Variants in GRIN1 observed in about 807,000 individuals in gnomAD.
GRIN1 encodes the protein glutamate receptor ionotropic, NMDA 1.
A neutral mutation model predicts 103.0 loss-of-function variants in GRIN1; 38 were observed. That is an observed-to-expected ratio of 0.37 (90% confidence interval 0.28 to 0.48). The LOEUF (loss-of-function observed/expected upper bound fraction) is 0.48. Ranked by LOEUF, GRIN1 falls within the 20% of genes least tolerant of loss-of-function variation. The pLI is 0.98. For synonymous variants in GRIN1, 544 were observed against 532.7 expected (o/e 1.02, Z -0.29); for missense variants, 577 against 1,288.9 (o/e 0.45, Z 8.46).
At chr9:137,162,117 G>GGGGT in intron 11 of GRIN1, 29 bp downstream of exon 11, 1 of 1,522,616 alleles carries the variant, frequency 6.6e-7, no homozygotes, top group Non-Finnish European at 8.9e-7. Context: ...GCGGGGTGGC[G>GGGGT]GCGGGGGGAG....
chr9:137,163,235 G>A lies in GRIN1; in HGVS notation c.2238G>A (p.Leu746=). The change falls in exon 16 of 20, where the codon CTG becomes CTA. Residue 746 remains leucine, a synonymous_variant. Transcript: ENST00000371561. ...LEFEASQKCD[L]VTTGELFFRS... ...TCGAGGCCTCGCAGAAGTGCGACCTGGTGACGACTGGAGAGCTGTTTTTCC... is the reference window on the plus strand; with the variant it reads ...TCGAGGCCTCGCAGAAGTGCGACCTAGTGACGACTGGAGAGCTGTTTTTCC... The A allele has an allele frequency of 6.2e-7, 1 of 1,613,736 alleles. No individual in the cohort carries two copies. Among genetic ancestry groups the A allele is most frequent in the Non-Finnish European group, 8.5e-7 (1 of 1,179,942 alleles).
chr9:137,165,252 A>T lies in GRIN1; in HGVS notation c.2656A>T (p.Thr886Ser). Reference protein sequence around the residue: ...KKATFRAITSTLASSFKRRRS... With the variant: ...KKATFRAITSSLASSFKRRRS... ...AGCCACATTTAGGGCTATCACCTCC[A>T]CCCTGGCTTCCAGCTTCAAGAGGCG... The change falls in exon 19 of 20, where the codon ACC (threonine) becomes TCC (serine). Residue 886 changes from threonine to serine, a missense_variant. Thr to Ser is a moderately conservative substitution (Grantham distance 58). Coordinates refer to ENST00000371561, the MANE Select transcript of GRIN1 (RefSeq NM_007327.4). The T allele has an allele frequency of 6.2e-7, 1 of 1,612,406 alleles. No individual in the cohort carries two copies. Among genetic ancestry groups the T allele is most frequent in the African/African-American group, 1.3e-5 (1 of 74,960 alleles).
intron 3 of GRIN1, chr9:137,148,045 T>C: frequency 1.4e-6 from 1 of 713,304 alleles, no homozygotes; most frequent in Non-Finnish European, 2.3e-6. Flanking sequence ...GGAGCCCGTC[T>C]GCAGACGTGC....
At chr9:137,155,035 A>G (rs1833139158) in intron 4 of GRIN1, among the ~76,000 whole-genome samples, 1 of 152,166 alleles carries the variant, frequency 6.6e-6, no homozygotes, top group East Asian at 1.9e-4. Context: ...ATTTTTGACA[A>G]TTTTCCATAG....
chr9:137,150,424 C>T (rs1278417561), intron 4 of GRIN1, among the ~76,000 whole-genome samples: 1 of 144,834 alleles, frequency 6.9e-6, no homozygotes, highest in East Asian at 2.1e-4. Context: ...AAGCCCCACC[C>T]AGGGAAAGCT....
At chr9:137,156,584 G>A (rs546864745) in intron 4 of GRIN1, 85 bp from the exon 5 acceptor site, 2 of 1,534,272 alleles carry the variant, frequency 1.3e-6, no homozygotes, top group Admixed American at 3.8e-5. Context: ...GCAGGTCCCT[G>A]CTCCAGAGGA....
chr9:137,142,331 C>T (rs2131197962), intron 2 of GRIN1, among the ~76,000 whole-genome samples, 184 bp downstream of exon 2: 1 of 152,384 alleles, frequency 6.6e-6, no homozygotes, highest in East Asian at 1.9e-4. Flanking sequence ...TGCAAACATG[C>T]TCACATGCAC....
intron 3 of GRIN1, among the ~76,000 whole-genome samples, chr9:137,147,017 T>TCCCCCCCAGCACCCGACAGGCCCCTC (rs372184006): frequency 1.5e-5 from 1 of 67,068 alleles, no homozygotes; most frequent in African/African-American, 6.3e-5. Context: ...GACAGGCCCC[T>TCCCCCCCAGCACCCGACAGGCCCCTC]CCCCCCAGCG....
chr9:137,148,266 G>T, intron 3 of GRIN1: 2 of 1,273,700 alleles, frequency 1.6e-6, no homozygotes, highest in Non-Finnish European at 2.2e-6. Context: ...CCCTGGCCTC[G>T]GCGCCTCGGC....
rs764333717 is a variant in GRIN1, at chr9:137,165,254, C to T, written c.2658C>T (p.Thr886=). ...CCACATTTAGGGCTATCACCTCCAC[C>T]CTGGCTTCCAGCTTCAAGAGGCGTA... is the stretch of plus-strand genomic sequence containing the variant. ...KKATFRAITS[T]LASSFKRRRS... The change falls in exon 19 of 20, where the codon ACC becomes ACT. Residue 886 remains threonine, a synonymous_variant. Coordinates refer to ENST00000371561, the MANE Select transcript of GRIN1 (RefSeq NM_007327.4). 2 of 1,612,542 alleles carry T rather than the reference C, an allele frequency of 1.2e-6. No homozygotes were observed. The highest frequency in any genetic ancestry group is 2.2e-5 in the South Asian group (2 of 91,060).
rs1564363935 is a variant in GRIN1 at position 137,162,697 on chromosome 9, G to A, written c.1971G>A (p.Leu657=). Residue 657 remains leucine (L), a synonymous_variant, in exon 14 of 20, where the codon CTG becomes CTA. Coordinates refer to ENST00000371561, the MANE Select transcript of GRIN1 (RefSeq NM_007327.4). ...CCAACCTGGCGGCCTTCCTGGTGCT[G>A]GACCGGCCGGAGGAGCGCATCACGG... ...YTANLAAFLV[L]DRPEERITGI... The A allele has an allele frequency of 6.2e-7, 1 of 1,608,560 alleles. No individual in the cohort carries two copies. Among genetic ancestry groups the A allele is most frequent in the Admixed American group, 1.7e-5 (1 of 59,276 alleles).
At chr9:137,167,279 C>A in intron 19 of GRIN1, 132 bp from the exon 20 acceptor site, 1 of 718,780 alleles carries the variant, frequency 1.4e-6, no homozygotes, top group South Asian at 1.6e-5. Flanking sequence ...AGGGTGGGGT[C>A]AGTCCGGCTG....
chr9:137,167,717 C>T lies in GRIN1; in HGVS notation c.*190C>T. ...GCCGGTCCACCCCGTCCCGGCCCCG[C>T]GCGTGCCCCCAGCGTGGGGCTAACG... On this transcript the variant is annotated 3_prime_UTR_variant, in exon 20 of 20. Transcript: ENST00000371561. 6.2e-7 allele frequency: 1 copy of T among 1,608,552 alleles called. No individual in the cohort carries two copies. Among genetic ancestry groups the T allele is most frequent in the Non-Finnish European group, 8.5e-7 (1 of 1,177,660 alleles).
Position 137,147,835 on chromosome 9 carries a change from G to A in GRIN1, c.571-1174G>A, listed in dbSNP as rs570377660. Among the ~76,000 whole-genome samples, 4 of 152,354 alleles carry A rather than the reference G, an allele frequency of 2.6e-5. No homozygotes were observed. The South Asian group carries it at 6.2e-4, about 24-fold the overall frequency. ...TGCTGGGGCCACACAGCAGGTGCAC[G>A]GCAGGGTGGGGGCGGCAGGTGGGGC... On this transcript the variant is annotated intron_variant, in intron 3 of 19. Transcript: ENST00000371561.
intron 19 of GRIN1, 54 bp downstream of exon 19, chr9:137,165,350 G>A (rs1421901787): frequency 2.0e-5 from 22 of 1,102,580 alleles, no homozygotes; most frequent in Admixed American, 1.0e-4. Flanking sequence ...CCTGCCCTGC[G>A]TGTGTCTCCC....
At chr9:137,158,268 C>G in intron 6 of GRIN1, 111 bp from the exon 7 acceptor site, 2 of 1,202,290 alleles carry the variant, frequency 1.7e-6, no homozygotes, top group Non-Finnish European at 1.2e-6. Context: ...GGAGAAGGAG[C>G]AGGGAGAAGG....
intron 11 of GRIN1, 25 bp downstream of exon 11, chr9:137,162,113 T>TGGGGGGGGGGG: frequency 3.3e-6 from 1 of 301,194 alleles, no homozygotes; most frequent in Non-Finnish European, 6.2e-6. Flanking sequence ...GGTGGCGGGG[T>TGGGGGGGGGGG]GGCGGCGGGG....
intron 4 of GRIN1, among the ~76,000 whole-genome samples, chr9:137,152,281 T>C (rs1231585857): frequency 2.6e-5 from 4 of 152,198 alleles, no homozygotes; most frequent in African/African-American, 7.2e-5. Flanking sequence ...AGAAATTCTG[T>C]AGCTGTGATG....
At chr9:137,152,718 A>T (rs922051186) in intron 4 of GRIN1, among the ~76,000 whole-genome samples, 1 of 152,260 alleles carries the variant, frequency 6.6e-6, no homozygotes, top group Non-Finnish European at 1.5e-5. Flanking sequence ...GGGAAGGGAC[A>T]TGGTCAGGGC....
Sources: gnomAD v4.1 joint callset for allele counts (sites outside exome capture counted in the v4.1 genomes callset) on GRCh38, gnomAD v4.1.1 for gene constraint, MANE v1.5 for transcripts, NCBI Gene and HGNC (gene_info 2026-07-23, HGNC 2026-07-21) for gene names.